The following SLC24A2 variants were observed in gnomAD, a reference collection of about 807,000 sequenced individuals.
SLC24A2 encodes the protein sodium/potassium/calcium exchanger 2.
A neutral mutation model predicts 62.0 loss-of-function variants in SLC24A2; 36 were observed. That is an observed-to-expected ratio of 0.58 (90% confidence interval 0.44 to 0.77). The LOEUF is 0.77. Ranked by LOEUF, SLC24A2 falls within the 30% of genes least tolerant of loss-of-function variation. The pLI is 0.00. For missense variants in SLC24A2, 846 were observed against 817.9 expected (o/e 1.03, Z -0.42); for synonymous variants, 358 against 294.0 (o/e 1.22, Z -2.23).
the SLC24A2 span, among the ~76,000 whole-genome samples, chr9:20,157,172 G>T: frequency 6.6e-6 from 1 of 151,504 alleles, no homozygotes; most frequent in African/African-American, 2.4e-5. Flanking sequence ...CAGTAAATTT[G>T]TTAAACCATA....
chr9:19,575,557 C>A (rs953561567), intron 6 of SLC24A2, among the ~76,000 whole-genome samples: 39 of 152,324 alleles, frequency 2.6e-4, no homozygotes, highest in African/African-American at 8.4e-4. Flanking sequence ...GAAAATAAAT[C>A]TTGGACTTAC....
At chr9:20,132,225 C>G in the SLC24A2 span, among the ~76,000 whole-genome samples, 1 of 151,862 alleles carries the variant, frequency 6.6e-6, no homozygotes, top group African/African-American at 2.4e-5. Context: ...TGGGCTTCAC[C>G]GCGCAGAAGC....
Position 19,573,395 on chromosome 9 carries a change from G to A in SLC24A2, c.1303C>T (p.Gln435Ter). 1 of 1,613,410 alleles carries A rather than the reference G, an allele frequency of 6.2e-7. No individual in the cohort carries two copies. Among genetic ancestry groups the A allele is most frequent in the Non-Finnish European group, 8.5e-7 (1 of 1,179,626 alleles). The change falls in exon 7 of 11, where the codon CAA (glutamine) becomes TAA (stop). Residue 435 changes from glutamine to a stop codon, truncating the protein, a stop_gained. Coordinates refer to ENST00000341998, the MANE Select transcript of SLC24A2 (RefSeq NM_020344.4). LOFTEE classifies it high-confidence loss of function. ...ATGTTGTGGGAGAGATTTCCATTTT[G>A]TACAGGTTCTGAAGCATCACTGGAT... is the stretch of plus-strand genomic sequence containing the variant. ...TPSSDASEPV[Q>*]NGNLSHNIEG...
At chr9:19,625,306 A>G (rs556184425) in intron 2 of SLC24A2, among the ~76,000 whole-genome samples, 1 of 152,172 alleles carries the variant, frequency 6.6e-6, no homozygotes, top group East Asian at 1.9e-4. Flanking sequence ...TAAATAAATA[A>G]ATAAATAAAT....
the SLC24A2 span, among the ~76,000 whole-genome samples, chr9:19,870,777 T>C: frequency 6.6e-6 from 1 of 152,192 alleles, no homozygotes; most frequent in East Asian, 1.9e-4. Flanking sequence ...CATATTTTCC[T>C]GTATTTATTG....
chr9:20,239,794 T>C, the SLC24A2 span, among the ~76,000 whole-genome samples: 4 of 152,078 alleles, frequency 2.6e-5, no homozygotes, highest in South Asian at 8.3e-4. Flanking sequence ...TAGTAGCACA[T>C]AGTAAGTCTC....
the SLC24A2 span, among the ~76,000 whole-genome samples, chr9:20,276,118 C>A: frequency 6.6e-6 from 1 of 152,158 alleles, no homozygotes; most frequent in Non-Finnish European, 1.5e-5. Context: ...TCCCAACAGT[C>A]CCCCAAAGTC....
At chr9:19,634,242 G>C (rs1818251950) in intron 2 of SLC24A2, among the ~76,000 whole-genome samples, 1 of 151,020 alleles carries the variant, frequency 6.6e-6, no homozygotes, top group South Asian at 2.1e-4. Context: ...GAAGGTACTG[G>C]GATTGAAATG....
At chr9:20,138,883 C>T in the SLC24A2 span, among the ~76,000 whole-genome samples, 17 of 152,200 alleles carry the variant, frequency 1.1e-4, no homozygotes, top group Non-Finnish European at 1.9e-4. Context: ...AGGCGAAGGC[C>T]TCATTGATGA....
chr9:19,517,769 A>T (rs1832998634), intron 10 of SLC24A2, among the ~76,000 whole-genome samples: 1 of 152,064 alleles, frequency 6.6e-6, no homozygotes, highest in South Asian at 2.1e-4. Flanking sequence ...TGGGGTCAGC[A>T]ATGAAAAGTC....
chr9:19,544,603 G>A (rs1356304255), intron 8 of SLC24A2, among the ~76,000 whole-genome samples: 9 of 152,058 alleles, frequency 5.9e-5, no homozygotes, highest in Non-Finnish European at 5.9e-5. Context: ...TTTCCTTCAG[G>A]AGCTCTTGTA....
intron 5 of SLC24A2, among the ~76,000 whole-genome samples, chr9:19,578,358 CAAAA>C (rs3085616): frequency 0.7 from 94,832 of 135,634 alleles, 32,990 homozygotes; most frequent in South Asian, 0.81. Flanking sequence ...TGCAATAAGC[CAAAA>C]AAAAAAAAAA....
chr9:19,952,428 G>A, the SLC24A2 span, among the ~76,000 whole-genome samples: 1 of 151,972 alleles, frequency 6.6e-6, no homozygotes, highest in African/African-American at 2.4e-5. Flanking sequence ...TATCTTAGCT[G>A]TAGTTTTTTG....
the SLC24A2 span, among the ~76,000 whole-genome samples, chr9:20,267,263 T>G: frequency 1.3e-5 from 2 of 152,176 alleles, no homozygotes; most frequent in Non-Finnish European, 2.9e-5. Context: ...AAATCTAGTT[T>G]TCACAATAAC....
intron 2 of SLC24A2, among the ~76,000 whole-genome samples, chr9:19,644,874 T>A (rs1046697965): frequency 2.6e-5 from 4 of 152,238 alleles, no homozygotes; most frequent in Non-Finnish European, 5.9e-5. Flanking sequence ...ACTATATTAG[T>A]ATTCTCATTC....
chr9:19,832,825 T>A, the SLC24A2 span, among the ~76,000 whole-genome samples: 2 of 151,928 alleles, frequency 1.3e-5, no homozygotes, highest in African/African-American at 4.8e-5. Context: ...GGGAGAAAAT[T>A]TTTGCAATCT....
chr9:20,188,721 C>T, the SLC24A2 span, among the ~76,000 whole-genome samples: 9 of 151,754 alleles, frequency 5.9e-5, no homozygotes, highest in South Asian at 2.1e-4. Context: ...GAAGAAGCCA[C>T]GAGCTAAGGA....
the SLC24A2 span, among the ~76,000 whole-genome samples, chr9:20,034,521 G>T: frequency 7.0e-6 from 1 of 142,280 alleles, no homozygotes; most frequent in African/African-American, 2.7e-5. Flanking sequence ...ATGCAGTGGC[G>T]CGATCTCTGC....
At chr9:20,062,205 C>T in the SLC24A2 span, among the ~76,000 whole-genome samples, 318 of 152,146 alleles carry the variant, frequency 2.1e-3, 2 homozygotes, top group East Asian at 4.6e-3. Context: ...CCTTAGCCTG[C>T]GTGACAGAGA....
Sources: gnomAD v4.1 joint callset for allele counts (sites outside exome capture counted in the v4.1 genomes callset) on GRCh38, gnomAD v4.1.1 for gene constraint, MANE v1.5 for transcripts, NCBI Gene and HGNC (gene_info 2026-07-23, HGNC 2026-07-21) for gene names.